The following ZBTB8B variants were observed in gnomAD, a reference collection of about 807,000 sequenced individuals.
ZBTB8B encodes the protein zinc finger and BTB domain-containing protein 8B.
Under a neutral mutation model 30.3 loss-of-function variants are expected in ZBTB8B, and 17 were observed. That is an observed-to-expected ratio of 0.56 (90% CI 0.38 to 0.84). The LOEUF (loss-of-function observed/expected upper bound fraction) is 0.84, where lower values mean the gene tolerates loss of function less well. ZBTB8B is among the 40% of genes least tolerant of loss of function. The pLI, the probability that ZBTB8B is intolerant of heterozygous loss-of-function variation, is 0.00. For synonymous variants in ZBTB8B, 248 were observed against 255.6 expected (o/e 0.97, Z 0.28); for missense variants, 515 against 644.9 (o/e 0.80, Z 2.18).
intron 2 of ZBTB8B, among the ~76,000 whole-genome samples, chr1:32,472,134 A>G (rs562923121): frequency 6.6e-6 from 1 of 152,146 alleles, no homozygotes; most frequent in Non-Finnish European, 1.5e-5. Flanking sequence ...TATTGCCACC[A>G]CCACCACCAC....
intron 1 of ZBTB8B, 69 bp from the exon 2 acceptor site, chr1:32,470,515 A>AAG (rs1225244370): frequency 3.8e-5 from 42 of 1,111,966 alleles, no homozygotes; most frequent in Middle Eastern, 6.9e-4. Flanking sequence ...AAAAAAAAAA[A>AAG]AAAAAAAAAA....
At chr1:32,474,520 G>C (rs1643648317) in intron 2 of ZBTB8B, among the ~76,000 whole-genome samples, 1 of 150,678 alleles carries the variant, frequency 6.6e-6, no homozygotes, top group South Asian at 2.1e-4. Context: ...ATGACAGAGT[G>C]AGACCTTGTC....
rs377253227 is a variant in ZBTB8B, at chr1:32,485,465, G to A, written c.*47G>A. 58 of 1,511,872 alleles carry A rather than the reference G, an allele frequency of 3.8e-5. No individual in the cohort carries two copies. Among genetic ancestry groups the A allele is most frequent in the Middle Eastern group, 1.7e-4 (1 of 5,836 alleles). The allele number at this position is 1,511,872 out of a possible 1,614,324, so 93.7% of individuals were successfully genotyped here. A position where few individuals can be genotyped will look rare whatever the true frequency, so the allele number is the denominator to read the frequency against. On this transcript the variant is annotated 3_prime_UTR_variant, in exon 4 of 4. Coordinates refer to ENST00000609129, the MANE Select transcript of ZBTB8B (RefSeq NM_001145720.2). ...GAGGTTTTAAAACTTGTTAGTGCTC[G>A]TTCTGTTGTTGAAAGATACCATTTG...
rs1406414687 is a variant in ZBTB8B at position 32,486,616 on chromosome 1, T to C, written c.*1198T>C. On this transcript the variant is annotated 3_prime_UTR_variant, in exon 4 of 4. Transcript: ENST00000609129. ...GTTGCCATGATAAGGGGCAGTGACT[T>C]CCAGGTGTTGCCATGGCAATGGTAA... The C allele has an allele frequency of 6.6e-6, 1 of 152,154 alleles. No homozygotes were observed. Among genetic ancestry groups the C allele is most frequent in the Non-Finnish European group, 1.5e-5 (1 of 68,046 alleles). 9.4% of individuals were successfully genotyped at this position (152,154 alleles called of 1,614,324 possible).
intron 2 of ZBTB8B, among the ~76,000 whole-genome samples, chr1:32,474,343 CAAAAAAAAAAAAAAAAAAAA>C (rs57001984): frequency 4.6e-4 from 18 of 39,172 alleles, no homozygotes; most frequent in South Asian, 3.0e-3. Context: ...CCCATCTCTA[CAAAAAAAAAAAAAAAAAAAA>C]AAAAAAAAAA....
chr1:32,472,594 A>G (rs1643632449), intron 2 of ZBTB8B, among the ~76,000 whole-genome samples: 1 of 151,814 alleles, frequency 6.6e-6, no homozygotes, highest in African/African-American at 2.4e-5. Flanking sequence ...GATGCCATCT[A>G]CTTGAGACTA....
rs535625614 is a variant in ZBTB8B, at chr1:32,465,305, G to A, written c.-42+200G>A. On this transcript the variant is annotated intron_variant, in intron 1 of 3. Coordinates refer to ENST00000609129, the MANE Select transcript of ZBTB8B (RefSeq NM_001145720.2). This position sits in a 1 kb window ranked among gnomAD's most constrained non-coding sequence, Gnocchi z 4.1. ...TCTAGCGTGGGGAGGGGCAGGCGCG[G>A]CCGTGGGGCCCCAGCTTCCCTGTCA... Among the ~76,000 whole-genome samples, 1 of 152,364 alleles carries A rather than the reference G, an allele frequency of 6.6e-6. No homozygotes were observed. The highest frequency in any genetic ancestry group is 1.5e-5 in the Non-Finnish European group (1 of 68,030).
Position 32,470,852 on chromosome 1 carries a change from C to T in ZBTB8B, c.228C>T (p.Phe76=), listed in dbSNP as rs767174514. Residue 76 remains phenylalanine (F), a synonymous_variant, in exon 2 of 4, where the codon TTC becomes TTT. Transcript: ENST00000609129. ...ASLDIVTSDA[F]SIILDFLYSG... is the part of the protein sequence containing the mutation. ...TGGACATTGTCACCTCTGATGCCTTCTCCATCATCTTAGATTTCCTCTATT... is the reference window on the plus strand; with the variant it reads ...TGGACATTGTCACCTCTGATGCCTTTTCCATCATCTTAGATTTCCTCTATT... 9 of 1,551,942 alleles carry T rather than the reference C, an allele frequency of 5.8e-6. No homozygotes were observed. The South Asian group carries it at 1.1e-4, about 18-fold the overall frequency.
Position 32,471,604 on chromosome 1 carries a change from G to A in ZBTB8B, c.980G>A (p.Gly327Glu). 6.4e-7 allele frequency: 1 copy of A among 1,550,458 alleles called. No individual in the cohort carries two copies. The highest frequency in any genetic ancestry group is 8.7e-7 in the Non-Finnish European group (1 of 1,145,926). The change falls in exon 2 of 4, where the codon GGA becomes GAA. Residue 327 changes from glycine (G) to glutamate (E), a missense_variant. This residue lies in a region of ZBTB8B where 429 missense variants were observed against 504.3 expected (regional missense o/e 0.85). Coordinates refer to ENST00000609129, the MANE Select transcript of ZBTB8B (RefSeq NM_001145720.2). ...SMMDVQADWY[G>E]EDSGDVLVVP... ...ATGGATGTCCAGGCTGACTGGTATG[G>A]AGAGGACTCAGGTGAGCTCCCTTAG...
chr1:32,468,818 G>A (rs148684979), intron 1 of ZBTB8B, among the ~76,000 whole-genome samples: 2,345 of 150,796 alleles, frequency 0.016, 73 homozygotes, highest in African/African-American at 0.054. Context: ...CCGAGATCGC[G>A]CCATTGCACT....
chr1:32,496,101 G>A lies in ZBTB8B; in HGVS notation c.*10683G>A, dbSNP rs981775737. 4 of 152,222 alleles carry A rather than the reference G, an allele frequency of 2.6e-5. No homozygotes were observed. Among genetic ancestry groups the A allele is most frequent in the Admixed American group, 6.5e-5 (1 of 15,274 alleles). 9.4% of individuals were successfully genotyped at this position (152,222 alleles called of 1,614,324 possible). A position where few individuals can be genotyped will look rare whatever the true frequency, so the allele number is the denominator to read the frequency against. On this transcript the variant is annotated 3_prime_UTR_variant, in exon 4 of 4. Coordinates refer to ENST00000609129, the MANE Select transcript of ZBTB8B (RefSeq NM_001145720.2). ...ACTATTAGAGCTCTAAACAGAAGAA[G>A]CTTCCATCAAACCGTTTTTCCCACT...
intron 2 of ZBTB8B, among the ~76,000 whole-genome samples, chr1:32,472,737 C>T (rs1643633885): frequency 6.6e-6 from 1 of 152,168 alleles, no homozygotes; most frequent in Non-Finnish European, 1.5e-5. Flanking sequence ...CCTCAGCCTC[C>T]CGAGTAGCTG....
intron 2 of ZBTB8B, among the ~76,000 whole-genome samples, chr1:32,477,820 G>T (rs544710086): frequency 1.1e-4 from 17 of 152,020 alleles, no homozygotes; most frequent in Non-Finnish European, 2.1e-4. Flanking sequence ...ACTGTGGGAG[G>T]CCCAGGTGGG....
At chr1:32,477,579 G>T (rs1245206632) in intron 2 of ZBTB8B, among the ~76,000 whole-genome samples, 2 of 152,054 alleles carry the variant, frequency 1.3e-5, no homozygotes, top group Non-Finnish European at 2.9e-5. Flanking sequence ...GATGAGTTAT[G>T]AGCTGCTACT....
At chr1:32,476,120 G>GTTTGTTTTGT (rs375279635) in intron 2 of ZBTB8B, among the ~76,000 whole-genome samples, 13 of 151,398 alleles carry the variant, frequency 8.6e-5, no homozygotes, top group African/African-American at 2.9e-4. Context: ...GCCTGGCCAG[G>GTTTGTTTTGT]TTTGTTTTGT....
Position 32,485,199 on chromosome 1 carries a change from C to T in ZBTB8B, c.1269C>T (p.Ser423=). Residue 423 remains serine, a synonymous_variant, in exon 4 of 4, where the codon AGC becomes AGT. Transcript: ENST00000609129. ...TGCGGCGCTTCGGGCTGTGTGACAG[C>T]TGCACCTGCGTTACAGACACACCCG... ...QGLRRFGLCD[S]CTCVTDTPDD... The T allele has an allele frequency of 6.4e-7, 1 of 1,551,962 alleles. No individual in the cohort carries two copies. Among genetic ancestry groups the T allele is most frequent in the Non-Finnish European group, 8.7e-7 (1 of 1,147,056 alleles).
intron 1 of ZBTB8B, among the ~76,000 whole-genome samples, chr1:32,469,239 A>C (rs1294001069): frequency 8.6e-6 from 1 of 116,160 alleles, no homozygotes; most frequent in African/African-American, 4.0e-5. Flanking sequence ...CTAAACACTC[A>C]AGTATAATTT....
Position 32,471,416 on chromosome 1 carries a change from C to G in ZBTB8B, c.792C>G (p.Ser264Arg), listed in dbSNP as rs1268662120. ...CCCACGTGGAGGAGGCCTTGCCAAG[C>G]GGCCAGGCGGTTGACTTGGCTTACA... Reference protein sequence around the residue: ...NLAHVEEALPSGQAVDLAYSN... With the variant: ...NLAHVEEALPRGQAVDLAYSN... The change falls in exon 2 of 4, where the codon AGC becomes AGG. Residue 264 changes from serine to arginine, a missense_variant. This residue lies in a region of ZBTB8B where 429 missense variants were observed against 504.3 expected (regional missense o/e 0.85). Coordinates refer to ENST00000609129, the MANE Select transcript of ZBTB8B (RefSeq NM_001145720.2). 1.3e-6 allele frequency: 2 copies of G among 1,551,826 alleles called. No individual in the cohort carries two copies. Among genetic ancestry groups the G allele is most frequent in the South Asian group, 1.2e-5 (1 of 84,068 alleles).
At chr1:32,481,809 T>G (rs1643707454) in intron 3 of ZBTB8B, among the ~76,000 whole-genome samples, 1 of 152,116 alleles carries the variant, frequency 6.6e-6, no homozygotes, top group South Asian at 2.1e-4. Flanking sequence ...TTCTTTGTGT[T>G]CATAAGTTCT....
Sources: gnomAD v4.1 joint callset for allele counts (sites outside exome capture counted in the v4.1 genomes callset) on GRCh38, gnomAD v4.1.1 for gene constraint, gnomAD v4.1.1 regional missense constraint, Gnocchi (gnomAD v3.1) non-coding constraint, MANE v1.5 for transcripts, NCBI Gene and HGNC (gene_info 2026-07-23, HGNC 2026-07-21) for gene names.